The following IL1RAPL2 variants were observed in gnomAD, a reference collection of about 807,000 sequenced individuals.
The protein encoded by IL1RAPL2 is X-linked interleukin-1 receptor accessory protein-like 2.
Under a neutral mutation model 44.1 loss-of-function variants are expected in IL1RAPL2, and 3 were observed. The observed-to-expected ratio is 0.07, with a 90% CI of 0.03 to 0.18. IL1RAPL2 has a LOEUF of 0.18. Among genes scored for constraint, IL1RAPL2 ranks in the 10% least tolerant of loss-of-function variants. The pLI is 1.00. For synonymous variants in IL1RAPL2, 181 were observed against 178.8 expected, an observed-to-expected ratio of 1.01 and a Z score of -0.10; for missense variants, 391 against 496.4, an observed-to-expected ratio of 0.79 and a Z score of 2.02.
At chrX:105,660,075 G>A (rs1299103468) in intron 6 of IL1RAPL2, among the ~76,000 whole-genome samples, 5 of 111,005 alleles carry the variant, frequency 4.5e-5, no homozygotes, top group Non-Finnish European at 3.8e-5. Context: ...ACACCTCAAG[G>A]CATTTATTAA....
intron 5 of IL1RAPL2, among the ~76,000 whole-genome samples, chrX:105,371,570 A>T (rs1015706014): frequency 8.9e-6 from 1 of 111,848 alleles, no homozygotes; most frequent in Non-Finnish European, 1.9e-5. Flanking sequence ...TATATTTTTC[A>T]GTTCATTCTT....
chrX:104,759,924 T>C (rs1932399448), intron 2 of IL1RAPL2, among the ~76,000 whole-genome samples: 1 of 111,788 alleles, frequency 8.9e-6, no homozygotes, highest in Admixed American at 9.5e-5. Context: ...TTGTGCCCAT[T>C]AACCATCTCC....
At chrX:104,666,658 A>G (rs1159793131) in intron 2 of IL1RAPL2, among the ~76,000 whole-genome samples, 1 of 111,902 alleles carries the variant, frequency 8.9e-6, no homozygotes, top group Admixed American at 9.5e-5. Flanking sequence ...AATGTCTGTT[A>G]TTTCTGCCAG....
At chrX:105,440,249 T>C (rs1406604279) in intron 5 of IL1RAPL2, among the ~76,000 whole-genome samples, 2 of 112,311 alleles carry the variant, frequency 1.8e-5, no homozygotes, top group African/African-American at 6.5e-5. Context: ...GCTTCAATTG[T>C]ATATTTAGTG....
chrX:104,670,822 T>C (rs1160842313), intron 2 of IL1RAPL2, among the ~76,000 whole-genome samples: 1 of 111,579 alleles, frequency 9.0e-6, no homozygotes, highest in East Asian at 2.9e-4. Flanking sequence ...CCATTTTCCA[T>C]AATACTTGCA....
intron 6 of IL1RAPL2, among the ~76,000 whole-genome samples, chrX:105,580,015 T>C (rs1163177095): frequency 8.9e-6 from 1 of 111,945 alleles, no homozygotes; most frequent in Non-Finnish European, 1.9e-5. Context: ...TCTGAAACAC[T>C]GTAGCACAAA....
intron 1 of IL1RAPL2, among the ~76,000 whole-genome samples, chrX:104,606,846 C>G (rs1310917380): frequency 8.9e-6 from 1 of 111,767 alleles, no homozygotes; most frequent in African/African-American, 3.2e-5. Context: ...CTACCCCCAT[C>G]AAGCTACCAC....
In IL1RAPL2 at chrX:104,936,621, C is replaced by CTTT. The variant is rs1186693127; in HGVS notation, c.83-258837_83-258835dup. 3.3e-3 allele frequency among the ~76,000 whole-genome samples: 293 copies of CTTT among 88,532 alleles called. 13 individuals are homozygous for CTTT. The highest frequency in any genetic ancestry group is 0.013 in the African/African-American group (280 of 21,865). 76.9% of individuals were successfully genotyped at this position (88,532 alleles called of 115,157 possible). ...TGGAGAAAATTGCATTTACCAGACT[C>CTTT]TTTTTTTTTTTTTTTTTTTGAGATG... On this transcript the variant is annotated intron_variant, in intron 2 of 10. Coordinates refer to ENST00000372582, the MANE Select transcript of IL1RAPL2 (RefSeq NM_017416.2).
intron 5 of IL1RAPL2, among the ~76,000 whole-genome samples, chrX:105,454,623 G>A (rs1050591082): frequency 9.0e-6 from 1 of 111,450 alleles, no homozygotes; most frequent in Admixed American, 9.5e-5. Context: ...GCCCTCTACC[G>A]CTGGTGACCT....
intron 2 of IL1RAPL2, among the ~76,000 whole-genome samples, chrX:104,984,870 C>A (rs895073662): frequency 9.0e-6 from 1 of 110,693 alleles, no homozygotes; most frequent in East Asian, 2.8e-4. Context: ...AAACTGACTG[C>A]AAAAAATAAG....
intron 5 of IL1RAPL2, among the ~76,000 whole-genome samples, chrX:105,401,739 G>C (rs781368050): frequency 9.1e-6 from 1 of 110,484 alleles, no homozygotes; most frequent in African/African-American, 3.3e-5. Context: ...CCAAGTATAT[G>C]AAATTCTGAT....
chrX:105,296,798 C>T (rs2034657559), intron 5 of IL1RAPL2, among the ~76,000 whole-genome samples: 1 of 111,643 alleles, frequency 9.0e-6, no homozygotes, highest in Non-Finnish European at 1.9e-5. Flanking sequence ...AGGCACTCCT[C>T]CTTTAAAAAT....
intron 2 of IL1RAPL2, among the ~76,000 whole-genome samples, chrX:104,718,018 G>T (rs1184110141): frequency 9.0e-6 from 1 of 110,894 alleles, no homozygotes; most frequent in Admixed American, 9.6e-5. Context: ...TGGACATTTG[G>T]GTTGGTTCCA....
intron 6 of IL1RAPL2, among the ~76,000 whole-genome samples, chrX:105,499,961 A>T (rs909117284): frequency 6.0e-4 from 67 of 112,361 alleles, no homozygotes; most frequent in African/African-American, 2.1e-3. Flanking sequence ...GATAAATAAA[A>T]CGTGGTCTAT....
intron 2 of IL1RAPL2, among the ~76,000 whole-genome samples, chrX:104,855,418 A>G (rs1251920971): frequency 9.0e-6 from 1 of 111,416 alleles, no homozygotes; most frequent in Non-Finnish European, 1.9e-5. Context: ...ATGGGCCAGA[A>G]GCCAAGGCCA....
rs551933636 is a variant in IL1RAPL2, at chrX:104,921,051, G to A, written c.82+262056G>A. 8.1e-5 allele frequency among the ~76,000 whole-genome samples: 9 copies of A among 111,307 alleles called. No homozygotes were observed. The South Asian group carries it at 1.5e-3, about 19-fold the overall frequency. On this transcript the variant is annotated intron_variant, in intron 2 of 10. Coordinates refer to ENST00000372582, the MANE Select transcript of IL1RAPL2 (RefSeq NM_017416.2). The stretch of plus-strand genomic sequence containing the variant: ...AGGAAGTGTTGAGGGAAGAAACCCC[G>A]GGACACCATATTCCCACTGTGGATC...
At chrX:104,934,954 T>G (rs899579517) in intron 2 of IL1RAPL2, among the ~76,000 whole-genome samples, 2 of 112,005 alleles carry the variant, frequency 1.8e-5, no homozygotes, top group Non-Finnish European at 3.8e-5. Flanking sequence ...TTGTGTGGAT[T>G]TCAATGAGAT....
At chrX:105,586,768 G>A (rs185344046) in intron 6 of IL1RAPL2, among the ~76,000 whole-genome samples, 3 of 112,234 alleles carry the variant, frequency 2.7e-5, no homozygotes. Flanking sequence ...ACCAGTGCTT[G>A]GCCAAAAACT....
At chrX:104,962,290 C>G (rs1297426999) in intron 2 of IL1RAPL2, among the ~76,000 whole-genome samples, 3 of 112,065 alleles carry the variant, frequency 2.7e-5, no homozygotes, top group East Asian at 5.6e-4. Flanking sequence ...CATGTGCAAC[C>G]AAAGGAAAGG....
Sources: gnomAD v4.1 joint callset for allele counts (sites outside exome capture counted in the v4.1 genomes callset) on GRCh38, gnomAD v4.1.1 for gene constraint, MANE v1.5 for transcripts, NCBI Gene and HGNC (gene_info 2026-07-23, HGNC 2026-07-21) for gene names.